The following SERPINB12 variants were observed in gnomAD, a reference collection of about 807,000 sequenced individuals.
SERPINB12 encodes serpin family B member 12.
In SERPINB12, 57 loss-of-function variants were observed where a neutral mutation model predicts 41.1. The observed-to-expected ratio is 1.39, with a 90% CI of 1.12 to 1.73. SERPINB12 has a LOEUF of 1.73. Among genes scored for constraint, SERPINB12 ranks in the 40% most tolerant of loss-of-function variants. The pLI, the probability that SERPINB12 is intolerant of heterozygous loss-of-function variation, is 0.00. For synonymous variants in SERPINB12, 180 were observed against 181.3 expected (o/e 0.99, Z 0.06); for missense variants, 536 against 501.9 (o/e 1.07, Z -0.65).
chr18:63,558,233 T>C, intron 2 of SERPINB12, 119 bp from the exon 3 acceptor site: 2 of 1,186,346 alleles, frequency 1.7e-6, no homozygotes, highest in Non-Finnish European at 2.3e-6. Context: ...TAAACTGTTG[T>C]TGATTGTTTT....
chr18:63,567,068 C>T lies in SERPINB12; in HGVS notation c.*57C>T, dbSNP rs186338457. The stretch of plus-strand genomic sequence containing the variant: ...GAGGAAAATATCAATACAATCTTCC[C>T]CTGGCATAAGATGGGCATTTGAGTT... On this transcript the variant is annotated 3_prime_UTR_variant, in exon 8 of 8. Coordinates refer to ENST00000382768, the MANE Select transcript of SERPINB12 (RefSeq NM_001307928.2). 129 of 1,490,768 alleles carry T rather than the reference C, an allele frequency of 8.7e-5. No homozygotes were observed. In the African/African-American group the frequency reaches 1.7e-3, roughly 20 times the overall value. The allele number at this position is 1,490,768 out of a possible 1,614,324, so 92.3% of individuals were successfully genotyped here.
At position 63,564,376 on chromosome 18, in the gene SERPINB12, G is replaced by T. The variant is rs146725952; in HGVS notation, c.705+256G>T. Among the ~76,000 whole-genome samples, 434 of 152,260 alleles carry T rather than the reference G, an allele frequency of 2.9e-3. 2 individuals carry two copies. The highest frequency in any genetic ancestry group is 9.9e-3 in the African/African-American group (410 of 41,546). On this transcript the variant is annotated intron_variant, in intron 6 of 7. Transcript: ENST00000382768. ...TGGGTGTTATTATGATTTCCACTTA[G>T]GATTTGAGACAAAAAAAGGAAAGGC...
intron 5 of SERPINB12, among the ~76,000 whole-genome samples, chr18:63,563,727 T>C (rs1910991950): frequency 6.6e-6 from 1 of 151,902 alleles, no homozygotes; most frequent in African/African-American, 2.4e-5. Flanking sequence ...CGAAACCCCT[T>C]CTCTACTGAA....
At chr18:63,534,045 C>T in the SERPINB12 span, among the ~76,000 whole-genome samples, 1 of 152,182 alleles carries the variant, frequency 6.6e-6, no homozygotes, top group Admixed American at 6.5e-5. Flanking sequence ...CACAATGACA[C>T]ATCCTACTGC....
the SERPINB12 span, among the ~76,000 whole-genome samples, chr18:63,530,356 T>G: frequency 3.9e-5 from 6 of 152,350 alleles, no homozygotes; most frequent in East Asian, 7.7e-4. Context: ...TTGGTGCTGA[T>G]GTTTGTTAAT....
At chr18:63,562,242 C>T (rs941403704) in intron 5 of SERPINB12, among the ~76,000 whole-genome samples, 1 of 152,172 alleles carries the variant, frequency 6.6e-6, no homozygotes, top group Admixed American at 6.5e-5. Flanking sequence ...AAACTCTTCC[C>T]TCCAGGACCA....
chr18:63,565,309 A>C (rs917863373), intron 6 of SERPINB12, 136 bp from the exon 7 acceptor site: 2 of 720,392 alleles, frequency 2.8e-6, no homozygotes, highest in Admixed American at 5.0e-5. Flanking sequence ...TGTAGGCTGG[A>C]TCCCTGGTGT....
chr18:63,534,647 G>A, the SERPINB12 span, among the ~76,000 whole-genome samples: 5 of 152,190 alleles, frequency 3.3e-5, no homozygotes, highest in African/African-American at 7.2e-5. Context: ...AGATGTTTAG[G>A]AGAAACCGGA....
chr18:63,556,280 A>G lies in SERPINB12; in HGVS notation c.121A>G (p.Met41Val). The G allele has an allele frequency of 4.3e-6, 7 of 1,614,096 alleles. No individual in the cohort carries two copies. The highest frequency in any genetic ancestry group is 2.2e-5 in the East Asian group (1 of 44,882). Residue 41 changes from methionine to valine, a missense_variant, in exon 2 of 8, where the codon ATG becomes GTG. Physicochemically the swap from Met to Val is conservative, Grantham distance 21. Transcript: ENST00000382768. ...CCTGAGCCTCTCAGCTGCCCTTGGT[A>G]TGGTACGCTTGGGTGCTAGAAGTGA... ...SPLSLSAALG[M>V]VRLGARSDSA...
chr18:63,557,898 A>G (rs751917743), intron 2 of SERPINB12, among the ~76,000 whole-genome samples: 2 of 152,264 alleles, frequency 1.3e-5, no homozygotes, highest in Non-Finnish European at 2.9e-5. Context: ...GTAAAAAGAA[A>G]CAGGTGGGAC....
chr18:63,519,661 T>C, the SERPINB12 span, among the ~76,000 whole-genome samples: 2 of 152,170 alleles, frequency 1.3e-5, no homozygotes, highest in Admixed American at 6.5e-5. Context: ...AACTAGGTCT[T>C]CTGGGTGGAA....
the SERPINB12 span, among the ~76,000 whole-genome samples, chr18:63,526,305 A>G: frequency 1.3e-5 from 2 of 152,034 alleles, no homozygotes; most frequent in Non-Finnish European, 2.9e-5. Context: ...TTATTTACTA[A>G]TACTTATTTA....
intron 7 of SERPINB12, 45 bp downstream of exon 7, chr18:63,565,657 T>A (rs1175899908): frequency 6.5e-7 from 1 of 1,547,804 alleles, no homozygotes. Flanking sequence ...TAATGATAGA[T>A]CTTTAGAGAA....
rs1320137611 is a variant in SERPINB12, at chr18:63,568,630, C to A, written c.*1619C>A. ...TCTTTGGAGTCAGTCTCTTTCCTAT[C>A]GAGGTGGGTTTCAGGTCTTGCTTGC... On this transcript the variant is annotated 3_prime_UTR_variant, in exon 8 of 8. Coordinates refer to ENST00000382768, the MANE Select transcript of SERPINB12 (RefSeq NM_001307928.2). Among the ~76,000 whole-genome samples the A allele has an allele frequency of 1.3e-5, 2 of 152,162 alleles. No homozygotes were observed. The highest frequency in any genetic ancestry group is 4.8e-5 in the African/African-American group (2 of 41,424).
chr18:63,521,702 G>A, the SERPINB12 span, among the ~76,000 whole-genome samples: 1 of 152,192 alleles, frequency 6.6e-6, no homozygotes, highest in Non-Finnish European at 1.5e-5. Context: ...TGTGAGAAAA[G>A]CCATCCACAA....
chr18:63,553,582 C>T (rs1191312847), intron 1 of SERPINB12, among the ~76,000 whole-genome samples: 1 of 152,140 alleles, frequency 6.6e-6, no homozygotes, highest in African/African-American at 2.4e-5. Context: ...TAGTCAGGCT[C>T]TTGTCTTCTT....
chr18:63,532,226 T>G, the SERPINB12 span, among the ~76,000 whole-genome samples: 1 of 152,198 alleles, frequency 6.6e-6, no homozygotes, highest in Non-Finnish European at 1.5e-5. Flanking sequence ...ACTCAGGGGT[T>G]GCTTATCTCC....
At chr18:63,523,597 A>G in the SERPINB12 span, among the ~76,000 whole-genome samples, 1 of 152,190 alleles carries the variant, frequency 6.6e-6, no homozygotes, top group Non-Finnish European at 1.5e-5. Flanking sequence ...TGGCTTTTAG[A>G]AAAAGTAAAG....
At chr18:63,552,596 A>G (rs886984191) in intron 1 of SERPINB12, among the ~76,000 whole-genome samples, 7 of 152,166 alleles carry the variant, frequency 4.6e-5, no homozygotes, top group Non-Finnish European at 5.9e-5. Context: ...GTAAATTAAT[A>G]TCTTACTCTT....
Sources: gnomAD v4.1 joint callset for allele counts (sites outside exome capture counted in the v4.1 genomes callset) on GRCh38, gnomAD v4.1.1 for gene constraint, MANE v1.5 for transcripts, NCBI Gene and HGNC (gene_info 2026-07-23, HGNC 2026-07-21) for gene names.